The following PTCHD4 variants were observed in gnomAD, a reference collection of about 807,000 sequenced individuals.
PTCHD4 encodes the protein patched domain containing 4, also known as patched domain-containing protein 4.
PTCHD4 carries 33 observed loss-of-function variants against 58.1 expected under a neutral mutation model. The observed-to-expected ratio is 0.57, with a 90% CI of 0.43 to 0.76. The LOEUF is 0.76. Among genes scored for constraint, PTCHD4 ranks in the 30% least tolerant of loss-of-function variants. The pLI, the probability that PTCHD4 is intolerant of heterozygous loss-of-function variation, is 0.00. For missense variants in PTCHD4, 1,058 were observed against 1,027.1 expected, an observed-to-expected ratio of 1.03 and a Z score of -0.41; for synonymous variants, 478 against 409.6, an observed-to-expected ratio of 1.17 and a Z score of -2.02.
chr6:48,007,309 T>C (rs1241474494), intron 4 of PTCHD4, among the ~76,000 whole-genome samples: 2 of 152,170 alleles, frequency 1.3e-5, no homozygotes, highest in African/African-American at 4.8e-5. Context: ...ATTGAGTTAA[T>C]AGATAAATAA....
Position 47,878,378 on chromosome 6 carries a change from A to C in PTCHD4, c.2457T>G (p.Arg819=). Reference sequence around the variant, plus strand: ...TTTCCTCTCTCTCCTTTCGCTTGGCACGTTTCTTTTTCTTGTGGTGCTTTT... The same window carrying C: ...TTTCCTCTCTCTCCTTTCGCTTGGCCCGTTTCTTTTTCTTGTGGTGCTTTT... The part of the protein sequence containing the change: ...PSKKHHKKKK[R]AKRKEREEIE... The change falls in exon 5 of 5, where the codon CGT becomes CGG. Residue 819 remains arginine, a synonymous_variant. Coordinates refer to ENST00000339488, the MANE Select transcript of PTCHD4 (RefSeq NM_001384253.1). 6.2e-7 allele frequency: 1 copy of C among 1,612,472 alleles called. No individual in the cohort carries two copies. The highest frequency in any genetic ancestry group is 8.5e-7 in the Non-Finnish European group (1 of 1,179,404).
In PTCHD4 at chr6:47,860,273, A is replaced by G. The variant is rs370869710; in HGVS notation, c.*18030T>C. 1.2e-4 allele frequency among the ~76,000 whole-genome samples: 19 copies of G among 152,172 alleles called. No homozygotes were observed. The highest frequency in any genetic ancestry group is 3.4e-4 in the African/African-American group (14 of 41,566). On this transcript the variant is annotated 3_prime_UTR_variant, in exon 5 of 5. Transcript: ENST00000339488. Reference sequence around the variant, plus strand: ...ACACATCATACTTTTTCTTCATCCCATATAGCACATGATGTTAAACTCAAG... The same window carrying G: ...ACACATCATACTTTTTCTTCATCCCGTATAGCACATGATGTTAAACTCAAG...
At chr6:47,910,986 G>A (rs1183845827) in intron 4 of PTCHD4, among the ~76,000 whole-genome samples, 1 of 152,120 alleles carries the variant, frequency 6.6e-6, no homozygotes, top group Non-Finnish European at 1.5e-5. Context: ...CCTAATAGAG[G>A]AGACAAATAT....
chr6:48,087,316 T>C (rs1765283254), intron 1 of PTCHD4, among the ~76,000 whole-genome samples: 1 of 152,238 alleles, frequency 6.6e-6, no homozygotes, highest in Admixed American at 6.5e-5. Flanking sequence ...TCCAACACTC[T>C]GAGTCTTATA....
intron 4 of PTCHD4, among the ~76,000 whole-genome samples, chr6:48,002,446 C>G (rs1768766799): frequency 6.6e-6 from 1 of 152,142 alleles, no homozygotes; most frequent in Non-Finnish European, 1.5e-5. Context: ...ATGATGAGTT[C>G]ATGTCCTTTG....
intron 4 of PTCHD4, among the ~76,000 whole-genome samples, chr6:47,968,770 CA>C (rs1381014251): frequency 2.0e-5 from 3 of 152,002 alleles, no homozygotes; most frequent in African/African-American, 7.2e-5. Flanking sequence ...TCTATAAATA[CA>C]AACAAGACTC....
intron 4 of PTCHD4, among the ~76,000 whole-genome samples, chr6:47,911,144 T>C (rs972276983): frequency 2.6e-5 from 4 of 152,132 alleles, no homozygotes; most frequent in Non-Finnish European, 5.9e-5. Flanking sequence ...TTCCTTGCAC[T>C]CTGGTCTTCA....
chr6:48,092,340 T>C (rs866391024), intron 1 of PTCHD4, among the ~76,000 whole-genome samples: 16 of 152,212 alleles, frequency 1.1e-4, no homozygotes, highest in Admixed American at 4.6e-4. Flanking sequence ...CCTTACCAAA[T>C]ACTAAACTAT....
intron 4 of PTCHD4, among the ~76,000 whole-genome samples, chr6:47,934,220 G>C (rs1765924694): frequency 6.6e-6 from 1 of 152,126 alleles, no homozygotes; most frequent in African/African-American, 2.4e-5. Flanking sequence ...GTGGAACCTG[G>C]ATTCAAGCTG....
intron 1 of PTCHD4, among the ~76,000 whole-genome samples, chr6:48,098,221 C>T (rs1352250140): frequency 6.6e-6 from 1 of 151,902 alleles, no homozygotes; most frequent in Non-Finnish European, 1.5e-5. Context: ...AGTTCCGATG[C>T]AAGGTGCAAA....
At chr6:48,088,928 C>A (rs1211422716) in intron 1 of PTCHD4, among the ~76,000 whole-genome samples, 1 of 152,074 alleles carries the variant, frequency 6.6e-6, no homozygotes, top group Non-Finnish European at 1.5e-5. Flanking sequence ...GCCTGTAATG[C>A]AGGTTACTCA....
At chr6:48,039,021 C>T (rs1402104930) in intron 3 of PTCHD4, among the ~76,000 whole-genome samples, 1 of 152,108 alleles carries the variant, frequency 6.6e-6, no homozygotes, top group Non-Finnish European at 1.5e-5. Context: ...GCAGAGACTC[C>T]ATGATTCTGA....
chr6:48,002,664 A>G (rs1403648025), intron 4 of PTCHD4, among the ~76,000 whole-genome samples: 1 of 152,026 alleles, frequency 6.6e-6, no homozygotes, highest in Non-Finnish European at 1.5e-5. Flanking sequence ...ATGTTAAATG[A>G]CGAGTTACTG....
chr6:47,953,276 A>G (rs1766724445), intron 4 of PTCHD4, among the ~76,000 whole-genome samples: 1 of 152,164 alleles, frequency 6.6e-6, no homozygotes, highest in African/African-American at 2.4e-5. Context: ...TTTCATCAGC[A>G]TTTTACAATG....
Position 47,878,441 on chromosome 6 carries a change from A to G in PTCHD4, c.2394T>C (p.Val798=). Residue 798 remains valine, a synonymous_variant, in exon 5 of 5, where the codon GTT becomes GTC. Coordinates refer to ENST00000339488, the MANE Select transcript of PTCHD4 (RefSeq NM_001384253.1). The part of the protein sequence containing the change: ...TGGCTLLHCF[V]ILPVFLTFFP... ...AAAACGTTAGGAACACAGGTAAAATAACAAAACAGTGCAGAAGTGTGCAAC... is the reference window on the plus strand; with the variant it reads ...AAAACGTTAGGAACACAGGTAAAATGACAAAACAGTGCAGAAGTGTGCAAC... The G allele has an allele frequency of 6.2e-7, 1 of 1,613,548 alleles. No individual in the cohort carries two copies. Among genetic ancestry groups the G allele is most frequent in the Non-Finnish European group, 8.5e-7 (1 of 1,179,694 alleles).
chr6:48,022,592 T>G (rs937799516), intron 3 of PTCHD4, among the ~76,000 whole-genome samples: 1 of 152,146 alleles, frequency 6.6e-6, no homozygotes, highest in Non-Finnish European at 1.5e-5. Flanking sequence ...AAATATTACT[T>G]TTCTCAGAAT....
chr6:47,981,757 T>C (rs1325713), intron 4 of PTCHD4, among the ~76,000 whole-genome samples: 22,361 of 152,148 alleles, frequency 0.15, 1,895 homozygotes, highest in South Asian at 0.25. Context: ...TGTTACTCTA[T>C]TCTGTGCATC....
chr6:47,970,221 C>T (rs1054004792), intron 4 of PTCHD4, among the ~76,000 whole-genome samples: 3 of 152,106 alleles, frequency 2.0e-5, no homozygotes, highest in Admixed American at 1.3e-4. Context: ...AAGTCTGCTC[C>T]TTTTTGGAGC....
intron 1 of PTCHD4, among the ~76,000 whole-genome samples, chr6:48,095,714 CA>C (rs1212120798): frequency 7.7e-6 from 1 of 129,140 alleles, no homozygotes; most frequent in African/African-American, 3.0e-5. Context: ...AAAACAAAAA[CA>C]AACAAACAAA....
Sources: allele counts gnomAD v4.1 joint callset (sites outside exome capture counted in the v4.1 genomes callset), GRCh38; gene constraint gnomAD v4.1.1; transcripts MANE v1.5; gene names NCBI Gene and HGNC (gene_info 2026-07-23, HGNC 2026-07-21).